The following PPARGC1A variants were observed in gnomAD, a reference collection of about 807,000 sequenced individuals.
PPARGC1A encodes the protein peroxisome proliferator-activated receptor gamma coactivator 1-alpha.
A neutral mutation model predicts 88.7 loss-of-function variants in PPARGC1A; 25 were observed. The ratio of observed to expected loss-of-function variants is 0.28; its 90% confidence interval spans 0.21 to 0.39. PPARGC1A has a LOEUF of 0.39. Ranked by LOEUF, PPARGC1A falls within the 10% of genes least tolerant of loss-of-function variation. The pLI, the probability that PPARGC1A is intolerant of heterozygous loss-of-function variation, is 1.00. For missense variants in PPARGC1A, 880 were observed against 968.7 expected (o/e 0.91, Z 1.22); for synonymous variants, 363 against 355.6 (o/e 1.02, Z -0.24).
chr4:24,124,839 ATTC>A, the PPARGC1A span, among the ~76,000 whole-genome samples: 1 of 152,180 alleles, frequency 6.6e-6, no homozygotes, highest in Non-Finnish European at 1.5e-5. Context: ...CTTAAATTTT[ATTC>A]TTGTTTTGTA....
the PPARGC1A span, among the ~76,000 whole-genome samples, chr4:24,319,579 T>C: frequency 6.6e-6 from 1 of 152,166 alleles, no homozygotes; most frequent in African/African-American, 2.4e-5. Context: ...AATAAATGGG[T>C]TGAACACGGG....
the PPARGC1A span, among the ~76,000 whole-genome samples, chr4:24,169,687 T>C: frequency 6.6e-6 from 1 of 152,100 alleles, no homozygotes; most frequent in African/African-American, 2.4e-5. Flanking sequence ...CTGTCCAACA[T>C]GGTGAAACCC....
the PPARGC1A span, among the ~76,000 whole-genome samples, chr4:24,079,634 T>C: frequency 6.6e-6 from 1 of 152,074 alleles, no homozygotes; most frequent in Admixed American, 6.6e-5. Context: ...GTCACTCTTT[T>C]TTCATTTATG....
At chr4:23,817,773 T>C (rs1263233740) in intron 7 of PPARGC1A, among the ~76,000 whole-genome samples, 1 of 152,186 alleles carries the variant, frequency 6.6e-6, no homozygotes, top group Non-Finnish European at 1.5e-5. Context: ...CAAAGCAAGA[T>C]TGAGAAATCT....
At chr4:24,339,237 TACACAC>T in the PPARGC1A span, among the ~76,000 whole-genome samples, 88 of 104,288 alleles carry the variant, frequency 8.4e-4, no homozygotes, top group Middle Eastern at 5.7e-3. Flanking sequence ...TATATATATA[TACACAC>T]ACACACACAC....
chr4:24,199,402 G>T, the PPARGC1A span, among the ~76,000 whole-genome samples: 5 of 152,096 alleles, frequency 3.3e-5, no homozygotes, highest in Non-Finnish European at 7.4e-5. Flanking sequence ...CGTGATAAGT[G>T]CAACAAATGA....
chr4:23,850,965 T>C (rs559424100), intron 2 of PPARGC1A, among the ~76,000 whole-genome samples: 5 of 152,300 alleles, frequency 3.3e-5, no homozygotes, highest in Admixed American at 2.6e-4. Context: ...ATTTTCAAGA[T>C]CTCTTTGGGG....
At chr4:24,455,317 C>CA in the PPARGC1A span, among the ~76,000 whole-genome samples, 2 of 152,034 alleles carry the variant, frequency 1.3e-5, no homozygotes, top group African/African-American at 4.8e-5. Context: ...TCTGTCACTA[C>CA]AAAAAAATAA....
intron 10 of PPARGC1A, among the ~76,000 whole-genome samples, chr4:23,810,188 T>C (rs575296311): frequency 2.0e-5 from 3 of 152,360 alleles, no homozygotes; most frequent in African/African-American, 7.2e-5. Context: ...TTATCACTTA[T>C]AGTCCACTCT....
the PPARGC1A span, among the ~76,000 whole-genome samples, chr4:23,959,725 T>A: frequency 1.4e-4 from 22 of 152,156 alleles, no homozygotes; most frequent in African/African-American, 4.3e-4. Context: ...AGGTCAGTCT[T>A]CTTCCTTCTT....
the PPARGC1A span, among the ~76,000 whole-genome samples, chr4:24,290,265 G>C: frequency 1.3e-5 from 2 of 151,806 alleles, no homozygotes; most frequent in Admixed American, 1.3e-4. Context: ...GTGGTGTTTG[G>C]TTACATGAGT....
the PPARGC1A span, among the ~76,000 whole-genome samples, chr4:24,027,832 C>T: frequency 4.6e-5 from 7 of 152,240 alleles, no homozygotes; most frequent in African/African-American, 1.4e-4. Context: ...AGGGAGTAGA[C>T]GATGTCTTGG....
At chr4:24,193,850 C>T in the PPARGC1A span, among the ~76,000 whole-genome samples, 7 of 152,188 alleles carry the variant, frequency 4.6e-5, no homozygotes, top group Non-Finnish European at 8.8e-5. Context: ...CCAATGGGGC[C>T]AGGCATGGTA....
intron 1 of PPARGC1A, among the ~76,000 whole-genome samples, chr4:23,887,081 C>A (rs1717039573): frequency 6.6e-6 from 1 of 152,152 alleles, no homozygotes; most frequent in Non-Finnish European, 1.5e-5. Context: ...CTTTAACCTT[C>A]CATAAATATG....
At position 23,814,074 on chromosome 4, in the gene PPARGC1A, C is replaced by CT; in HGVS notation, c.1408dup (p.Ser470LysfsTer6). 6.2e-7 allele frequency: 1 copy of CT among 1,614,042 alleles called. No individual in the cohort carries two copies. The highest frequency in any genetic ancestry group is 8.5e-7 in the Non-Finnish European group (1 of 1,179,958). On this transcript the variant is annotated frameshift_variant, in exon 8 of 13. Transcript: ENST00000264867. LOFTEE classifies it high-confidence loss of function. ...TGCTTCGTCGTCAAAAACAGCTTGA[C>CT]TGGGATGACCGAAGTGCTTGTTCAG...
At chr4:23,972,949 T>C in the PPARGC1A span, among the ~76,000 whole-genome samples, 3 of 152,188 alleles carry the variant, frequency 2.0e-5, no homozygotes, top group Non-Finnish European at 4.4e-5. Flanking sequence ...GTGCCAGTGA[T>C]GTTAGTTTGA....
At chr4:24,228,855 T>G in the PPARGC1A span, among the ~76,000 whole-genome samples, 1 of 152,132 alleles carries the variant, frequency 6.6e-6, no homozygotes. Flanking sequence ...AAGTCCATCT[T>G]TTTGTTTGCC....
the PPARGC1A span, among the ~76,000 whole-genome samples, chr4:24,015,496 A>G: frequency 6.6e-6 from 1 of 152,166 alleles, no homozygotes; most frequent in Non-Finnish European, 1.5e-5. Flanking sequence ...TGCAGCAACA[A>G]TGAAGTCCCA....
chr4:24,333,956 A>T, the PPARGC1A span, among the ~76,000 whole-genome samples: 5 of 148,852 alleles, frequency 3.4e-5, no homozygotes, highest in Non-Finnish European at 1.5e-5. Flanking sequence ...AAAAAAAAAA[A>T]AAAAAAAAAG....
Sources: allele counts gnomAD v4.1 joint callset (sites outside exome capture counted in the v4.1 genomes callset), GRCh38; gene constraint gnomAD v4.1.1; transcripts MANE v1.5; gene names NCBI Gene and HGNC (gene_info 2026-07-23, HGNC 2026-07-21).